BIRC6: variants seen among roughly 807,000 people sequenced by gnomAD.
BIRC6 encodes dual E2 ubiquitin-conjugating enzyme/E3 ubiquitin-protein ligase BIRC6.
BIRC6 carries 98 observed loss-of-function variants against 503.3 expected under a neutral mutation model. The ratio of observed to expected loss-of-function variants is 0.19; its 90% CI spans 0.17 to 0.23. BIRC6 has a LOEUF of 0.23. BIRC6 is among the 10% of genes least tolerant of loss of function. BIRC6 has a pLI of 1.00. For synonymous variants in BIRC6, 2,240 were observed against 2,078.7 expected (o/e 1.08, Z -2.11); for missense variants, 5,360 against 5,806.0 (o/e 0.92, Z 2.50).
At chr2:32,491,363 A>G in intron 43 of BIRC6, 62 bp from the exon 44 acceptor site, 1 of 1,443,854 alleles carries the variant, frequency 6.9e-7, no homozygotes, top group Non-Finnish European at 9.3e-7. Context: ...ATGCTTTCAG[A>G]TACTGCATTT....
intron 73 of BIRC6, among the ~76,000 whole-genome samples, chr2:32,611,898 T>C (rs2062901387): frequency 6.6e-6 from 1 of 152,150 alleles, no homozygotes; most frequent in Non-Finnish European, 1.5e-5. Context: ...CTTTTGAGAC[T>C]GGATTTCATT....
In BIRC6 at chr2:32,509,914, G is replaced by T; in HGVS notation, c.10157G>T (p.Gly3386Val). The change falls in exon 52 of 74, where the codon GGA becomes GTA. Residue 3386 changes from glycine to valine, a missense_variant. Coordinates refer to ENST00000421745, the MANE Select transcript of BIRC6 (RefSeq NM_016252.4). ...ATCGAGGTTGTGCTTGTAAAGATAG[G>T]ACTGCAGTCTACTAGAATTGGCCTG... is the stretch of plus-strand genomic sequence containing the variant. ...PNIEVVLVKI[G>V]LQSTRIGLKL... is the part of the protein sequence containing the mutation. 6.2e-7 allele frequency: 1 copy of T among 1,613,930 alleles called. No homozygotes were observed. Among genetic ancestry groups the T allele is most frequent in the Non-Finnish European group, 8.5e-7 (1 of 1,179,872 alleles).
At position 32,482,051 on chromosome 2, in the gene BIRC6, A is replaced by C. The variant is rs1323015134; in HGVS notation, c.7543-378A>C. Among the ~76,000 whole-genome samples the C allele has an allele frequency of 2.6e-5, 4 of 152,200 alleles. No homozygotes were observed. The South Asian group carries it at 8.3e-4, about 31-fold the overall frequency. ...ACAGAAGTATAGTTATAGATCACCAACATTTCAGACAGCCATCTAAACTTC... is the reference window on the plus strand; with the variant it reads ...ACAGAAGTATAGTTATAGATCACCACCATTTCAGACAGCCATCTAAACTTC... On this transcript the variant is annotated intron_variant, in intron 38 of 73. Transcript: ENST00000421745.
chr2:32,396,216 T>G (rs2039864556), intron 6 of BIRC6, among the ~76,000 whole-genome samples: 1 of 152,234 alleles, frequency 6.6e-6, no homozygotes, highest in Non-Finnish European at 1.5e-5. Flanking sequence ...TAGGTACTAT[T>G]GTAATCTCCA....
Position 32,547,929 on chromosome 2 carries a change from C to T in BIRC6, c.12890C>T (p.Thr4297Ile). The T allele has an allele frequency of 6.2e-7, 1 of 1,613,756 alleles. No homozygotes were observed. The highest frequency in any genetic ancestry group is 1.1e-5 in the South Asian group (1 of 91,058). ...LYWAKGTGFG[T>I]GSTASGWDVE... ...TGGGCCAAAGGGACTGGCTTTGGAA[C>T]AGGCTCTACAGCTTCTGGGTGGGAT... The change falls in exon 64 of 74, where the codon ACA (threonine) becomes ATA (isoleucine). Residue 4297 changes from threonine (T) to isoleucine (I), a missense_variant. Thr to Ile is a moderately conservative substitution (Grantham distance 89). Around this residue, in one of 16 missense-constraint regions of BIRC6, gnomAD observed 477 missense variants for 574.4 expected, o/e 0.83. Coordinates refer to ENST00000421745, the MANE Select transcript of BIRC6 (RefSeq NM_016252.4).
chr2:32,612,323 G>C (rs1265980503), intron 73 of BIRC6, among the ~76,000 whole-genome samples: 1 of 152,140 alleles, frequency 6.6e-6, no homozygotes, highest in Admixed American at 6.6e-5. Flanking sequence ...TTTTCAGTTT[G>C]GACGTTCATA....
At chr2:32,553,632 C>T (rs1247649008) in intron 65 of BIRC6, among the ~76,000 whole-genome samples, 5 of 151,890 alleles carry the variant, frequency 3.3e-5, no homozygotes, top group East Asian at 1.9e-4. Context: ...TCAAGTGATC[C>T]GCTCACCTCG....
intron 23 of BIRC6, among the ~76,000 whole-genome samples, chr2:32,462,804 A>C (rs915059171): frequency 2.0e-5 from 3 of 152,058 alleles, no homozygotes; most frequent in African/African-American, 7.2e-5. Flanking sequence ...AAACATACAA[A>C]AATTAGCCAG....
intron 46 of BIRC6, among the ~76,000 whole-genome samples, chr2:32,500,563 G>A (rs1029037144): frequency 1.3e-5 from 2 of 150,440 alleles, no homozygotes; most frequent in Non-Finnish European, 1.5e-5. Context: ...GATTACAGGC[G>A]TGTGTGCCAC....
chr2:32,376,957 C>T (rs2036880418), intron 1 of BIRC6, among the ~76,000 whole-genome samples: 1 of 152,080 alleles, frequency 6.6e-6, no homozygotes, highest in Non-Finnish European at 1.5e-5. Context: ...TGAAACTGCA[C>T]AAAGTGAAAC....
At chr2:32,551,325 C>T (rs1041415443) in intron 65 of BIRC6, among the ~76,000 whole-genome samples, 1 of 152,102 alleles carries the variant, frequency 6.6e-6, no homozygotes, top group Non-Finnish European at 1.5e-5. Context: ...CTCTGTCACC[C>T]ATGCTGGAAT....
intron 61 of BIRC6, among the ~76,000 whole-genome samples, chr2:32,542,150 A>T: frequency 6.6e-6 from 1 of 152,030 alleles, no homozygotes; most frequent in East Asian, 1.9e-4. Flanking sequence ...ATGTATACAT[A>T]CATGTATTTT....
chr2:32,427,941 CT>C (rs1331205562), intron 10 of BIRC6, among the ~76,000 whole-genome samples: 2 of 152,162 alleles, frequency 1.3e-5, no homozygotes, highest in African/African-American at 4.8e-5. Context: ...AAATCTGAAT[CT>C]GTAAAATCTC....
At chr2:32,364,368 T>G (rs1253328319) in intron 1 of BIRC6, among the ~76,000 whole-genome samples, 1 of 152,176 alleles carries the variant, frequency 6.6e-6, no homozygotes, top group Non-Finnish European at 1.5e-5. Flanking sequence ...GCCTCCTGAG[T>G]AGCTGGGATT....
chr2:32,512,157 C>G (rs1055592600), intron 53 of BIRC6, among the ~76,000 whole-genome samples: 1 of 152,138 alleles, frequency 6.6e-6, no homozygotes, highest in African/African-American at 2.4e-5. Context: ...TCTGAATTCT[C>G]TTTATTCCCC....
At chr2:32,609,166 G>T (rs2062678632) in intron 72 of BIRC6, among the ~76,000 whole-genome samples, 1 of 152,148 alleles carries the variant, frequency 6.6e-6, no homozygotes, top group Non-Finnish European at 1.5e-5. Context: ...TTACAGGCGT[G>T]AGCCACTGCG....
chr2:32,566,171 G>A (rs980275622), intron 65 of BIRC6: 9 of 151,886 alleles, frequency 5.9e-5, no homozygotes, highest in Non-Finnish European at 1.0e-4. Flanking sequence ...TAGTACTTGC[G>A]AATTTGCTCC....
intron 65 of BIRC6, among the ~76,000 whole-genome samples, chr2:32,560,580 A>AT (rs1454078721): frequency 6.6e-6 from 1 of 151,922 alleles, no homozygotes; most frequent in Non-Finnish European, 1.5e-5. Context: ...GTAACTATAT[A>AT]TTTTTTCTTT....
At chr2:32,380,345 T>G in intron 3 of BIRC6, 55 bp downstream of exon 3, 1 of 1,515,658 alleles carries the variant, frequency 6.6e-7, no homozygotes, top group South Asian at 1.4e-5. Flanking sequence ...GACACCTCCA[T>G]TCTTTTGCAC....
Sources: allele counts gnomAD v4.1 joint callset (sites outside exome capture counted in the v4.1 genomes callset), GRCh38; gene constraint gnomAD v4.1.1; regional missense constraint gnomAD v4.1.1; transcripts MANE v1.5; gene names NCBI Gene and HGNC (gene_info 2026-07-23, HGNC 2026-07-21).